SORCS1: variants seen among roughly 807,000 people sequenced by gnomAD.
SORCS1 encodes the protein sortilin related VPS10 domain containing receptor 1.
Under a neutral mutation model 146.1 loss-of-function variants are expected in SORCS1, and 60 were observed. The ratio of observed to expected loss-of-function variants is 0.41; its 90% CI spans 0.33 to 0.51. The LOEUF (loss-of-function observed/expected upper bound fraction) is 0.51, where lower values mean the gene tolerates loss of function less well. SORCS1 is among the 20% of genes least tolerant of loss of function. The pLI, the probability that SORCS1 is intolerant of heterozygous loss-of-function variation, is 0.21. For synonymous variants in SORCS1, 637 were observed against 584.0 expected (o/e 1.09, Z -1.31); for missense variants, 1,352 against 1,487.6 (o/e 0.91, Z 1.50).
At chr10:106,596,577 T>C (rs954851068) in intron 24 of SORCS1, among the ~76,000 whole-genome samples, 6 of 152,158 alleles carry the variant, frequency 3.9e-5, no homozygotes, top group African/African-American at 1.4e-4. Context: ...GGAAGCTCAA[T>C]GACATTAAGT....
chr10:106,609,539 T>C (rs1201750673), intron 22 of SORCS1, among the ~76,000 whole-genome samples: 2 of 152,164 alleles, frequency 1.3e-5, no homozygotes, highest in African/African-American at 4.8e-5. Flanking sequence ...CAATTACTGA[T>C]CTCAAAGTCA....
intron 2 of SORCS1, among the ~76,000 whole-genome samples, chr10:106,844,561 TTTC>T (rs893463519): frequency 9.8e-4 from 149 of 151,674 alleles, no homozygotes; most frequent in Non-Finnish European, 1.7e-3. Context: ...ATTTACTGAA[TTTC>T]TTTTTTTTTT....
intron 17 of SORCS1, among the ~76,000 whole-genome samples, chr10:106,658,236 T>A (rs778994891): frequency 3.3e-5 from 5 of 152,062 alleles, no homozygotes; most frequent in Admixed American, 1.3e-4. Flanking sequence ...CCATTCTGTA[T>A]ACTAAATGCC....
At chr10:106,583,628 C>G (rs1391105970) in intron 24 of SORCS1, among the ~76,000 whole-genome samples, 3 of 152,032 alleles carry the variant, frequency 2.0e-5, no homozygotes, top group Non-Finnish European at 4.4e-5. Flanking sequence ...CTCAGCCTCT[C>G]GAGTAGCTGA....
chr10:106,741,824 C>T (rs1857388108), intron 5 of SORCS1, among the ~76,000 whole-genome samples: 2 of 152,120 alleles, frequency 1.3e-5, no homozygotes, highest in Non-Finnish European at 1.5e-5. Context: ...GGCTTTTTTG[C>T]AGTCACTTGC....
At chr10:107,033,857 G>T (rs1958775624) in intron 1 of SORCS1, among the ~76,000 whole-genome samples, 1 of 152,146 alleles carries the variant, frequency 6.6e-6, no homozygotes, top group African/African-American at 2.4e-5. Context: ...CTGCTTCCAG[G>T]AGAACTTTCC....
intron 1 of SORCS1, among the ~76,000 whole-genome samples, chr10:107,082,035 T>A (rs893587414): frequency 6.6e-6 from 1 of 152,272 alleles, no homozygotes; most frequent in African/African-American, 2.4e-5. Flanking sequence ...GTTTCCCATT[T>A]GGCATGTTTG....
Position 106,924,461 on chromosome 10 carries a change from TTATCGATCTATC to T in SORCS1, c.626+32040_626+32051del, listed in dbSNP as rs1271983384. ...TTTTAATATTATGAAAATTCCACAG[TTATCGATCTATC>T]TATCTATCTATCTATCTATCTATCT... On this transcript the variant is annotated intron_variant, in intron 2 of 25. Coordinates refer to ENST00000263054, the MANE Select transcript of SORCS1 (RefSeq NM_052918.5). 6.0e-3 allele frequency among the ~76,000 whole-genome samples: 757 copies of T among 125,692 alleles called. 3 individuals are homozygous for T. The highest frequency in any genetic ancestry group is 0.017 in the African/African-American group (589 of 35,612). The allele number at this position is 125,692 out of a possible 152,430, so 82.5% of individuals were successfully genotyped here.
intron 1 of SORCS1, among the ~76,000 whole-genome samples, chr10:107,019,521 A>C (rs939694123): frequency 1.3e-5 from 2 of 152,212 alleles, no homozygotes; most frequent in African/African-American, 4.8e-5. Flanking sequence ...TTCCAGACTG[A>C]ACTTTTAGTT....
chr10:106,731,512 C>T (rs1035889562), intron 5 of SORCS1, among the ~76,000 whole-genome samples: 8 of 152,080 alleles, frequency 5.3e-5, no homozygotes, highest in Non-Finnish European at 1.0e-4. Flanking sequence ...TCTCCAGCTT[C>T]ACCTAACCCC....
rs78197945 is a variant in SORCS1 at position 106,911,693 on chromosome 10, C to A, written c.626+44820G>T. 1.6e-3 allele frequency among the ~76,000 whole-genome samples: 240 copies of A among 152,284 alleles called. 1 individual carries two copies. The highest frequency in any genetic ancestry group is 5.7e-3 in the African/African-American group (238 of 41,544). Reference sequence around the variant, plus strand: ...GAGTACTTACACCAGTGGTTCTCAACCCTGGTTGTCCATTAGATTCACATG... The same window carrying A: ...GAGTACTTACACCAGTGGTTCTCAAACCTGGTTGTCCATTAGATTCACATG... On this transcript the variant is annotated intron_variant, in intron 2 of 25. Coordinates refer to ENST00000263054, the MANE Select transcript of SORCS1 (RefSeq NM_052918.5).
chr10:106,863,524 C>CAA (rs397807005), intron 2 of SORCS1, among the ~76,000 whole-genome samples: 15 of 86,244 alleles, frequency 1.7e-4, no homozygotes, highest in African/African-American at 3.4e-4. Context: ...GACTCCATTT[C>CAA]AAAAAAAAAA....
intron 4 of SORCS1, among the ~76,000 whole-genome samples, chr10:106,772,144 G>A (rs926263931): frequency 2.0e-5 from 3 of 152,168 alleles, no homozygotes; most frequent in Admixed American, 6.5e-5. Flanking sequence ...CCTCTCCAGT[G>A]TGGGCAAGCA....
chr10:106,706,482 A>T, intron 8 of SORCS1, 63 bp downstream of exon 8: 2 of 1,493,112 alleles, frequency 1.3e-6, no homozygotes, highest in South Asian at 2.3e-5. Context: ...TGGGAAAGGG[A>T]TGGAGGCTGG....
At chr10:107,071,537 T>C (rs1341142757) in intron 1 of SORCS1, among the ~76,000 whole-genome samples, 1 of 152,228 alleles carries the variant, frequency 6.6e-6, no homozygotes, top group Non-Finnish European at 1.5e-5. Context: ...GATGTCCTCC[T>C]ACAGTTGTTC....
At chr10:106,750,252 A>G (rs527541188) in intron 5 of SORCS1, among the ~76,000 whole-genome samples, 1 of 152,118 alleles carries the variant, frequency 6.6e-6, no homozygotes, top group Non-Finnish European at 1.5e-5. Flanking sequence ...GAAGTGACTG[A>G]ATATTGTTCA....
chr10:106,726,260 T>A (rs1384640809), intron 6 of SORCS1, among the ~76,000 whole-genome samples: 1 of 127,816 alleles, frequency 7.8e-6, no homozygotes, highest in Non-Finnish European at 1.6e-5. Flanking sequence ...AATTGGTAGA[T>A]TTTTTTTTTC....
intron 1 of SORCS1, among the ~76,000 whole-genome samples, chr10:107,087,278 CCTT>C (rs905988270): frequency 6.6e-6 from 1 of 152,218 alleles, no homozygotes; most frequent in South Asian, 2.1e-4. Flanking sequence ...GTCAAACAAT[CCTT>C]CTTTTTTTTT....
chr10:106,662,494 AT>A (rs1850807316), intron 17 of SORCS1, among the ~76,000 whole-genome samples: 1 of 152,132 alleles, frequency 6.6e-6, no homozygotes, highest in Non-Finnish European at 1.5e-5. Flanking sequence ...AGGGAGCAAC[AT>A]TTATGAAGGG....
Sources: gnomAD v4.1 joint callset for allele counts (sites outside exome capture counted in the v4.1 genomes callset) on GRCh38, gnomAD v4.1.1 for gene constraint, MANE v1.5 for transcripts, NCBI Gene and HGNC (gene_info 2026-07-23, HGNC 2026-07-21) for gene names.